Variants in GNAL observed in about 807,000 individuals in gnomAD.
GNAL encodes guanine nucleotide-binding protein G(olf) subunit alpha.
In GNAL, 18 loss-of-function variants were observed where a neutral mutation model predicts 55.1. The observed-to-expected ratio is 0.33, with a 90% CI of 0.23 to 0.48. The LOEUF (loss-of-function observed/expected upper bound fraction) is 0.48. GNAL is among the 20% of genes least tolerant of loss of function. The probability of loss-of-function intolerance (pLI) is 0.99; values close to 1 mark genes in which losing one functional copy is unlikely to be tolerated. For missense variants in GNAL, 412 were observed against 614.1 expected (o/e 0.67, Z 3.48); for synonymous variants, 253 against 237.0 (o/e 1.07, Z -0.62).
intron 4 of GNAL, among the ~76,000 whole-genome samples, chr18:11,785,306 G>A (rs1032333838): frequency 1.3e-5 from 2 of 152,192 alleles, no homozygotes; most frequent in African/African-American, 4.8e-5. Flanking sequence ...TCATCCTTTA[G>A]GGAATCCCTG....
intron 5 of GNAL, chr18:11,852,036 C>G (rs781063506): frequency 5.0e-6 from 8 of 1,613,760 alleles, no homozygotes; most frequent in Non-Finnish European, 6.8e-6. Flanking sequence ...AGACCGGCTC[C>G]GTGGGCACGA....
chr18:11,880,617 G>A (rs1178767684), intron 11 of GNAL, among the ~76,000 whole-genome samples: 5 of 152,146 alleles, frequency 3.3e-5, no homozygotes, highest in Non-Finnish European at 5.9e-5. Context: ...TAGCTAATTA[G>A]AAATCAGCCC....
chr18:11,721,813 G>A (rs2032099800), intron 1 of GNAL, among the ~76,000 whole-genome samples: 1 of 151,838 alleles, frequency 6.6e-6, no homozygotes, highest in African/African-American at 2.4e-5. Context: ...TTGAACCCTG[G>A]AGGTGCAGGT....
intron 11 of GNAL, among the ~76,000 whole-genome samples, chr18:11,877,390 G>A (rs1170860179): frequency 3.9e-5 from 6 of 152,276 alleles, no homozygotes; most frequent in East Asian, 3.9e-4. Context: ...AGGAGGCGGA[G>A]GTTGCGGTGA....
At chr18:11,801,367 A>G (rs1195038725) in intron 4 of GNAL, among the ~76,000 whole-genome samples, 2 of 152,218 alleles carry the variant, frequency 1.3e-5, no homozygotes, top group African/African-American at 2.4e-5. Flanking sequence ...CCTCGCCAGC[A>G]TGGTGAAACC....
At chr18:11,765,223 C>T (rs1203591725) in intron 4 of GNAL, among the ~76,000 whole-genome samples, 2 of 152,078 alleles carry the variant, frequency 1.3e-5, no homozygotes, top group South Asian at 2.1e-4. Context: ...TTTTTTCTTA[C>T]AGAAAATGAA....
In GNAL at chr18:11,743,331, C is replaced by A. The variant is rs369652786; in HGVS notation, c.377-9522C>A. 3.0e-4 allele frequency among the ~76,000 whole-genome samples: 42 copies of A among 140,146 alleles called. 1 individual carries two copies. The highest frequency in any genetic ancestry group is 4.8e-4 in the South Asian group (2 of 4,152). The allele number at this position is 140,146 out of a possible 152,430, so 91.9% of individuals were successfully genotyped here. The stretch of plus-strand genomic sequence containing the variant: ...CACTAATACAAAAAAAAAAAAAAAA[C>A]CACCACTGTTAGGCATTTACAATGC... On this transcript the variant is annotated intron_variant, in intron 1 of 11. Transcript: ENST00000334049.
chr18:11,828,627 T>C (rs981615160), intron 5 of GNAL, among the ~76,000 whole-genome samples: 2 of 151,908 alleles, frequency 1.3e-5, no homozygotes, highest in South Asian at 2.1e-4. Flanking sequence ...ACACCACAGT[T>C]CTGCTCAATG....
chr18:11,702,011 A>AT, intron 1 of GNAL: 1 of 152,338 alleles, frequency 6.6e-6, no homozygotes, highest in South Asian at 2.1e-4. Context: ...AGGAAGGTGG[A>AT]TAAAAAGCCA....
chr18:11,856,629 C>G (rs1308005004), intron 5 of GNAL, among the ~76,000 whole-genome samples: 3 of 149,220 alleles, frequency 2.0e-5, no homozygotes, highest in Non-Finnish European at 4.4e-5. Context: ...AGTGTTTACT[C>G]AAAATGACAA....
chr18:11,767,211 CTG>C (rs1052944826), intron 4 of GNAL, among the ~76,000 whole-genome samples: 3 of 150,690 alleles, frequency 2.0e-5, no homozygotes, highest in Non-Finnish European at 3.0e-5. Flanking sequence ...TGCTTCCTCT[CTG>C]TGCACCCTTA....
intron 4 of GNAL, among the ~76,000 whole-genome samples, chr18:11,806,488 A>G (rs1047872430): frequency 2.0e-5 from 3 of 152,206 alleles, no homozygotes; most frequent in Non-Finnish European, 4.4e-5. Context: ...CTTACAATTA[A>G]GCCTGTAATC....
rs61457198 is a variant in GNAL, at chr18:11,723,011, CAAA to C, written c.377-29821_377-29819del. ...GGGCAACAAGAGCGAAACTTCATCTCAAAAAAAAAAAAAAAAAAAAAAATTAGC... is the reference window on the plus strand; with the variant it reads ...GGGCAACAAGAGCGAAACTTCATCTCAAAAAAAAAAAAAAAAAAAATTAGC... On this transcript the variant is annotated intron_variant, in intron 1 of 11. Coordinates refer to ENST00000334049, the MANE Select transcript of GNAL (RefSeq NM_182978.4). Among the ~76,000 whole-genome samples the C allele has an allele frequency of 8.4e-3, 671 of 79,986 alleles. 3 individuals carry two copies. Among genetic ancestry groups the C allele is most frequent in the African/African-American group, 0.026 (472 of 17,886 alleles). The allele number at this position is 79,986 out of a possible 152,430, so 52.5% of individuals were successfully genotyped here.
At chr18:11,852,216 C>G (rs1344189755) in intron 5 of GNAL, 1 of 1,349,682 alleles carries the variant, frequency 7.4e-7, no homozygotes, top group South Asian at 1.5e-5. Context: ...CGCCAGAATG[C>G]TGAAATGCCC....
intron 11 of GNAL, among the ~76,000 whole-genome samples, chr18:11,879,345 G>A (rs560314531): frequency 1.4e-4 from 21 of 152,032 alleles, no homozygotes; most frequent in African/African-American, 4.8e-4. Flanking sequence ...AGGGATTCTC[G>A]TGGCACCAAG....
At chr18:11,863,223 C>T (rs112020677) in intron 6 of GNAL, among the ~76,000 whole-genome samples, 1,630 of 152,282 alleles carry the variant, frequency 0.011, 30 homozygotes, top group African/African-American at 0.037. Flanking sequence ...CTTTGTGCCC[C>T]TTCGACCCTC....
chr18:11,870,393 C>T (rs1046068125), intron 9 of GNAL, among the ~76,000 whole-genome samples: 20 of 151,940 alleles, frequency 1.3e-4, no homozygotes, highest in African/African-American at 3.4e-4. Context: ...TGGTGGTGGG[C>T]GCCTGTAATC....
chr18:11,719,141 C>T (rs957566156), intron 1 of GNAL, among the ~76,000 whole-genome samples: 2 of 152,048 alleles, frequency 1.3e-5, no homozygotes, highest in Admixed American at 6.5e-5. Context: ...CTCCAAACAT[C>T]ACAACTATTT....
chr18:11,758,857 A>G (rs1004301790), intron 4 of GNAL, among the ~76,000 whole-genome samples: 6 of 152,232 alleles, frequency 3.9e-5, no homozygotes, highest in Admixed American at 3.9e-4. Context: ...GCCAAAACAT[A>G]GATTAGCTGA....
Sources: allele counts gnomAD v4.1 joint callset (sites outside exome capture counted in the v4.1 genomes callset), GRCh38; gene constraint gnomAD v4.1.1; transcripts MANE v1.5; gene names NCBI Gene and HGNC (gene_info 2026-07-23, HGNC 2026-07-21).